Variants in DDI2 observed in about 807,000 individuals in gnomAD.
The protein encoded by DDI2 is protein DDI1 homolog 2.
Under a neutral mutation model 48.1 loss-of-function variants are expected in DDI2, and 5 were observed. The observed-to-expected ratio is 0.10, with a 90% confidence interval of 0.05 to 0.22. DDI2 has a LOEUF of 0.22. Among genes scored for constraint, DDI2 ranks in the 10% least tolerant of loss-of-function variants. DDI2 has a pLI of 1.00. For missense variants in DDI2, 285 were observed against 506.2 expected, an observed-to-expected ratio of 0.56 and a Z score of 4.19; for synonymous variants, 205 against 183.6, an observed-to-expected ratio of 1.12 and a Z score of -0.94.
At chr1:15,619,606 C>T (rs1326624281) in intron 1 of DDI2, among the ~76,000 whole-genome samples, 1 of 151,754 alleles carries the variant, frequency 6.6e-6, no homozygotes, top group African/African-American at 2.4e-5. Context: ...GGACTACAGG[C>T]GCCCACCACC....
chr1:15,641,824 A>C (rs1443742639), intron 5 of DDI2, among the ~76,000 whole-genome samples: 1 of 151,696 alleles, frequency 6.6e-6, no homozygotes, highest in Non-Finnish European at 1.5e-5. Context: ...GCATGGTGGC[A>C]CTTGCATGTA....
intron 8 of DDI2, chr1:15,656,309 TC>T: frequency 2.4e-6 from 2 of 841,402 alleles, no homozygotes; most frequent in Non-Finnish European, 3.2e-6. Context: ...CCTAATTCGA[TC>T]AGGTGGATCT....
chr1:15,646,796 A>G, intron 6 of DDI2, among the ~76,000 whole-genome samples: 1 of 152,236 alleles, frequency 6.6e-6, no homozygotes. Context: ...ATCTCTAATC[A>G]GAATTGTTTT....
At chr1:15,621,174 G>A (rs1639656740) in intron 1 of DDI2, among the ~76,000 whole-genome samples, 1 of 152,112 alleles carries the variant, frequency 6.6e-6, no homozygotes, top group Non-Finnish European at 1.5e-5. Context: ...ATGCAGACTT[G>A]CCTGGGTGAA....
chr1:15,650,846 C>CT (rs552631650), intron 7 of DDI2, among the ~76,000 whole-genome samples: 4 of 151,842 alleles, frequency 2.6e-5, no homozygotes, highest in African/African-American at 9.7e-5. Flanking sequence ...ACACAGCATT[C>CT]TATTTATTTA....
At chr1:15,638,557 C>T (rs1209840666) in intron 5 of DDI2, 123 bp downstream of exon 5, 59 of 931,186 alleles carry the variant, frequency 6.3e-5, no homozygotes, top group Non-Finnish European at 8.6e-5. Context: ...TTTTTTGAGA[C>T]AGAGTCTTGC....
At chr1:15,648,347 A>G (rs1640122311) in intron 6 of DDI2, among the ~76,000 whole-genome samples, 1 of 152,238 alleles carries the variant, frequency 6.6e-6, no homozygotes, top group Admixed American at 6.5e-5. Flanking sequence ...CCCTTATAGC[A>G]ATAGGGGAAA....
intron 2 of DDI2, among the ~76,000 whole-genome samples, chr1:15,628,153 T>TTTTTTTCA (rs1159552634): frequency 2.0e-5 from 3 of 152,148 alleles, no homozygotes; most frequent in Non-Finnish European, 4.4e-5. Flanking sequence ...AAACATGTTT[T>TTTTTTTCA]TGAGAATTAT....
At chr1:15,655,855 G>A (rs1359584497) in intron 8 of DDI2, among the ~76,000 whole-genome samples, 3 of 151,726 alleles carry the variant, frequency 2.0e-5, no homozygotes, top group African/African-American at 7.3e-5. Flanking sequence ...ATCCTGGGGA[G>A]ATCAAGGCTA....
At position 15,660,387 on chromosome 1, in the gene DDI2, T is replaced by C; in HGVS notation, c.*597T>C. 10 of 1,614,002 alleles carry C rather than the reference T, an allele frequency of 6.2e-6. No homozygotes were observed. Among genetic ancestry groups the C allele is most frequent in the South Asian group, 1.1e-5 (1 of 91,060 alleles). On this transcript the variant is annotated 3_prime_UTR_variant, in exon 10 of 10. Coordinates refer to ENST00000480945, the MANE Select transcript of DDI2 (RefSeq NM_032341.5). ...CTCAGCAGCACGAAGAACCAGGGAA[T>C]GAACAGTATGAGGTTGCACAACAAA...
intron 6 of DDI2, among the ~76,000 whole-genome samples, chr1:15,645,731 G>A (rs1640080419): frequency 6.6e-6 from 1 of 152,148 alleles, no homozygotes; most frequent in Non-Finnish European, 1.5e-5. Context: ...ATAGCCGGGT[G>A]TGGTGGCAAG....
At chr1:15,621,533 T>C (rs917782435) in intron 1 of DDI2, among the ~76,000 whole-genome samples, 3 of 152,034 alleles carry the variant, frequency 2.0e-5, no homozygotes, top group Admixed American at 1.3e-4. Flanking sequence ...TACAGGTGTA[T>C]GCTACGACAT....
chr1:15,624,315 T>G (rs1410768467), intron 1 of DDI2, among the ~76,000 whole-genome samples: 2 of 152,202 alleles, frequency 1.3e-5, no homozygotes, highest in African/African-American at 4.8e-5. Context: ...CCAAGCAGTC[T>G]CACAAGTTAT....
Position 15,666,538 on chromosome 1 carries a change from G to C in DDI2, c.*6748G>C, listed in dbSNP as rs1640453894. The C allele has an allele frequency of 6.6e-6, 1 of 152,186 alleles. No homozygotes were observed. Among genetic ancestry groups the C allele is most frequent in the African/African-American group, 2.4e-5 (1 of 41,454 alleles). 9.4% of individuals were successfully genotyped at this position (152,186 alleles called of 1,614,324 possible). On this transcript the variant is annotated 3_prime_UTR_variant, in exon 10 of 10. Coordinates refer to ENST00000480945, the MANE Select transcript of DDI2 (RefSeq NM_032341.5). ...TCAATGTTGTGCTGGTTAAGGGAGA[G>C]AAAAGTTCAAGAAGATCTTACATAT...
rs1230998347 is a variant in DDI2, at chr1:15,656,621, T to A, written c.1188T>A (p.Arg396=). The part of the protein sequence containing the change: ...ALQKSAEDAE[R]QKP ...TCTGTTTCCTAATTCACACAGAGCG[T>A]CAGAAGCCATGATGCATGTAGTGTG... The change falls in exon 9 of 10, where the codon CGT becomes CGA. Residue 396 remains arginine (R), a synonymous_variant. Transcript: ENST00000480945. 2.5e-6 allele frequency: 4 copies of A among 1,614,046 alleles called. No individual in the cohort carries two copies. The highest frequency in any genetic ancestry group is 3.4e-6 in the Non-Finnish European group (4 of 1,180,030).
chr1:15,656,499 T>C, intron 8 of DDI2, 118 bp from the exon 9 acceptor site: 7 of 1,598,106 alleles, frequency 4.4e-6, no homozygotes, highest in Non-Finnish European at 6.0e-6. Flanking sequence ...ATCCCTCAAC[T>C]TGGAATCTAC....
intron 4 of DDI2, chr1:15,634,158 T>A (rs1191760120): frequency 5.6e-6 from 1 of 177,416 alleles, no homozygotes; most frequent in African/African-American, 2.4e-5. Flanking sequence ...GAGAAACTTT[T>A]AAAAATGCAG....
chr1:15,620,951 G>T (rs1639650994), intron 1 of DDI2, among the ~76,000 whole-genome samples: 1 of 152,194 alleles, frequency 6.6e-6, no homozygotes, highest in African/African-American at 2.4e-5. Flanking sequence ...TTAGAATTCA[G>T]TCTTTCACCT....
At chr1:15,639,139 ACAAC>A (rs1308882898) in intron 5 of DDI2, among the ~76,000 whole-genome samples, 2 of 152,106 alleles carry the variant, frequency 1.3e-5, no homozygotes, top group Non-Finnish European at 2.9e-5. Flanking sequence ...AAAGAACTTA[ACAAC>A]CAAGTAAGGA....
Sources: gnomAD v4.1 joint callset for allele counts (sites outside exome capture counted in the v4.1 genomes callset) on GRCh38, gnomAD v4.1.1 for gene constraint, MANE v1.5 for transcripts, NCBI Gene and HGNC (gene_info 2026-07-23, HGNC 2026-07-21) for gene names.